DDX50: variants seen among roughly 807,000 people sequenced by gnomAD.
DDX50 encodes the protein DExD-box helicase 50.
DDX50 carries 56 observed loss-of-function variants against 94.8 expected under a neutral mutation model. The ratio of observed to expected loss-of-function variants is 0.59; its 90% CI spans 0.48 to 0.74. The LOEUF is 0.74. Ranked by LOEUF, DDX50 falls within the 30% of genes least tolerant of loss-of-function variation. The pLI, the probability that DDX50 is intolerant of heterozygous loss-of-function variation, is 0.00. For missense variants in DDX50, 713 were observed against 881.2 expected (o/e 0.81, Z 2.42); for synonymous variants, 264 against 295.4 (o/e 0.89, Z 1.09).
In DDX50 at chr10:68,943,255, C is replaced by G; in HGVS notation, c.1933C>G (p.Gln645Glu). ...TCCTACAACTGAGTCAGAAAGGTTA[C>G]AGGTATTTTTAAAATTTTATCTTTT... is the stretch of plus-strand genomic sequence containing the variant. ...DVPTTESERL[Q>E]AEWHDSDWIL... Residue 645 changes from glutamine to glutamate, a missense_variant and splice_region_variant, in exon 14 of 15, where the codon CAG becomes GAG. Physicochemically the swap from Gln to Glu is conservative, Grantham distance 29. Around this residue, in one of 2 missense-constraint regions of DDX50, gnomAD observed 428 missense variants for 602.3 expected, o/e 0.71. Transcript: ENST00000373585. 6.2e-7 allele frequency: 1 copy of G among 1,604,798 alleles called. No individual in the cohort carries two copies. The highest frequency in any genetic ancestry group is 1.1e-5 in the South Asian group (1 of 88,248).
chr10:68,925,094 GGTTTTTTT>G (rs1177707579), intron 8 of DDX50, among the ~76,000 whole-genome samples: 3,312 of 89,080 alleles, frequency 0.037, 183 homozygotes, highest in African/African-American at 0.12. Context: ...CCCTGCTCAT[GGTTTTTTT>G]TTTTTTTTTT....
intron 12 of DDX50, 99 bp downstream of exon 12, chr10:68,937,194 ACT>A: frequency 7.6e-7 from 1 of 1,312,516 alleles, no homozygotes; most frequent in East Asian, 2.6e-5. Context: ...GCAGAAAAAA[ACT>A]GTTTTGCTCT....
chr10:68,937,093 A>G lies in DDX50; in HGVS notation c.1753A>G (p.Lys585Glu). The change falls in exon 12 of 15, where the codon AAG becomes GAG. Residue 585 changes from lysine (K) to glutamate (E), a missense_variant and splice_region_variant. By Grantham distance (56) the Lys-to-Glu change is moderately conservative. Around this residue, in one of 2 missense-constraint regions of DDX50, gnomAD observed 428 missense variants for 602.3 expected, o/e 0.71. Coordinates refer to ENST00000373585, the MANE Select transcript of DDX50 (RefSeq NM_024045.2). Reference sequence around the variant, plus strand: ...ACCACGATCTTTGATCACCTCTGATAAGGTAGAAATCTGTGAGAAAATTGT... The same window carrying G: ...ACCACGATCTTTGATCACCTCTGATGAGGTAGAAATCTGTGAGAAAATTGT... The part of the protein sequence containing the change: ...FEPRSLITSD[K>E]GFVTMTLESL... 1.2e-6 allele frequency: 2 copies of G among 1,602,250 alleles called. No homozygotes were observed. The highest frequency in any genetic ancestry group is 1.7e-6 in the Non-Finnish European group (2 of 1,172,616).
intron 12 of DDX50, among the ~76,000 whole-genome samples, chr10:68,939,670 C>T (rs1564617964): frequency 6.6e-6 from 1 of 152,146 alleles, no homozygotes; most frequent in African/African-American, 2.4e-5. Flanking sequence ...GTTGCTTCCT[C>T]CTTTACTTCA....
intron 8 of DDX50, among the ~76,000 whole-genome samples, chr10:68,922,355 TTG>T (rs1365190994): frequency 6.6e-6 from 1 of 152,118 alleles, no homozygotes. Context: ...AAAAAATCTG[TTG>T]TGTTTATTCA....
At chr10:68,938,785 T>A (rs1383012066) in intron 12 of DDX50, among the ~76,000 whole-genome samples, 1 of 152,234 alleles carries the variant, frequency 6.6e-6, no homozygotes, top group African/African-American at 2.4e-5. Context: ...GTATGTATGT[T>A]TTTAAAAATT....
chr10:68,934,201 T>C lies in DDX50; in HGVS notation c.1242T>C (p.Asn414=), dbSNP rs1172035295. 4 of 1,609,692 alleles carry C rather than the reference T, an allele frequency of 2.5e-6. No homozygotes were observed. The highest frequency in any genetic ancestry group is 3.4e-6 in the Non-Finnish European group (4 of 1,178,912). The change falls in exon 9 of 15, where the codon AAT becomes AAC. Residue 414 remains asparagine, a splice_region_variant and synonymous_variant. Transcript: ENST00000373585. The surrounding 1 kb of genome is among the most constrained non-coding windows in gnomAD (Gnocchi z 4.0). Reference sequence around the variant, plus strand: ...TTTTCTCCCCCTTTCTCAAATAGAATGCCCAGTGTTTACATGGGGACATTG... The same window carrying C: ...TTTTCTCCCCCTTTCTCAAATAGAACGCCCAGTGTTTACATGGGGACATTG... The part of the protein sequence containing the change: ...EMAMNPHIKQ[N]AQCLHGDIAQ...
rs376765529 is a variant in DDX50 at position 68,911,236 on chromosome 10, G to A, written c.629G>A (p.Arg210His). The change falls in exon 4 of 15, where the codon CGC (arginine) becomes CAC (histidine). Residue 210 changes from arginine to histidine, a missense_variant. Around this residue, in one of 2 missense-constraint regions of DDX50, gnomAD observed 285 missense variants for 278.9 expected, o/e 1.02. Transcript: ENST00000373585. ...QRNQETIKKS[R>H]SPKVLVLAPT... ...AATCAAGAAACAATTAAAAAAAGCC[G>A]CTCACCAAAGGTAATCGTTATAGGG... 7.5e-6 allele frequency: 12 copies of A among 1,597,072 alleles called. No homozygotes were observed. The highest frequency in any genetic ancestry group is 2.2e-5 in the East Asian group (1 of 44,720).
rs200564312 is a variant in DDX50 at position 68,941,148 on chromosome 10, A to C, written c.1844A>C (p.Asn615Thr). ...GAACTTAACAGAAAGCTGAGTAGTA[A>C]TGCAGTGTCTCAGATTACCAGAATG... The part of the protein sequence containing the change: ...WKELNRKLSS[N>T]AVSQITRMCL... Residue 615 changes from asparagine to threonine, a missense_variant, in exon 13 of 15, where the codon AAT becomes ACT. Around this residue, in one of 2 missense-constraint regions of DDX50, gnomAD observed 428 missense variants for 602.3 expected, o/e 0.71. Transcript: ENST00000373585. 39 of 1,613,548 alleles carry C rather than the reference A, an allele frequency of 2.4e-5. No individual in the cohort carries two copies. The highest frequency in any genetic ancestry group is 2.3e-4 in the African/African-American group (17 of 75,046).
intron 1 of DDX50, among the ~76,000 whole-genome samples, chr10:68,903,628 C>T (rs898387008): frequency 3.3e-5 from 5 of 152,114 alleles, no homozygotes; most frequent in African/African-American, 7.2e-5. Context: ...TGGTGAAACT[C>T]CGTCTTTACT....
At chr10:68,919,770 A>G (rs1376955871) in intron 7 of DDX50, 62 bp from the exon 8 acceptor site, 1 of 1,580,084 alleles carries the variant, frequency 6.3e-7, no homozygotes, top group Non-Finnish European at 8.6e-7. Flanking sequence ...AAAAATACAC[A>G]AGAGAAATAT....
intron 2 of DDX50, 73 bp downstream of exon 2, chr10:68,907,080 T>A: frequency 7.3e-7 from 1 of 1,372,704 alleles, no homozygotes; most frequent in Non-Finnish European, 9.9e-7. Context: ...TTTAGGCTAA[T>A]TAGAATTGAT....
chr10:68,914,397 C>A (rs982608761), intron 7 of DDX50, among the ~76,000 whole-genome samples, 193 bp downstream of exon 7: 2 of 152,010 alleles, frequency 1.3e-5, no homozygotes, highest in Admixed American at 6.6e-5. Context: ...AAAAAAAGCA[C>A]GTGAATAGGC....
Position 68,914,102 on chromosome 10 carries a change from C to T in DDX50, c.987C>T (p.Cys329=), listed in dbSNP as rs374122094. 106 of 1,606,300 alleles carry T rather than the reference C, an allele frequency of 6.6e-5. No homozygotes were observed. The highest frequency in any genetic ancestry group is 8.8e-5 in the Non-Finnish European group (104 of 1,177,760). The change falls in exon 7 of 15, where the codon TGC becomes TGT. Residue 329 remains cysteine, a synonymous_variant. Transcript: ENST00000373585. Reference sequence around the variant, plus strand: ...AGACTTTACTTTTTTCTGCAACTTGCCCACAGTGGGTATACAAAGTTGCAA... The same window carrying T: ...AGACTTTACTTTTTTCTGCAACTTGTCCACAGTGGGTATACAAAGTTGCAA... ...NPQTLLFSAT[C]PQWVYKVAKK...
At chr10:68,928,040 A>G (rs1399602097) in intron 8 of DDX50, among the ~76,000 whole-genome samples, 1 of 152,172 alleles carries the variant, frequency 6.6e-6, no homozygotes, top group East Asian at 1.9e-4. Flanking sequence ...AATGAATAAT[A>G]AAAGGATGTT....
intron 8 of DDX50, among the ~76,000 whole-genome samples, chr10:68,931,431 A>AC (rs369350949): frequency 0.74 from 88,181 of 118,508 alleles, 34,488 homozygotes; most frequent in East Asian, 0.95. Flanking sequence ...ATATATACAC[A>AC]AACACACACA....
intron 8 of DDX50, among the ~76,000 whole-genome samples, chr10:68,930,062 T>C (rs10998490): frequency 0.082 from 11,100 of 135,080 alleles, 569 homozygotes; most frequent in African/African-American, 0.2. Context: ...TTCCTTCCTT[T>C]CTTTTCCTTC....
At chr10:68,929,714 G>GC (rs1842198957) in intron 8 of DDX50, among the ~76,000 whole-genome samples, 1 of 148,726 alleles carries the variant, frequency 6.7e-6, no homozygotes, top group Non-Finnish European at 1.5e-5. Flanking sequence ...ATGAGCCACT[G>GC]CGCCTGGCCT....
chr10:68,929,413 TTTCTTTCC>T (rs1376167493), intron 8 of DDX50, among the ~76,000 whole-genome samples: 7 of 151,026 alleles, frequency 4.6e-5, no homozygotes, highest in Non-Finnish European at 1.0e-4. Context: ...TCTTCCTTCC[TTTCTTTCC>T]TTCTTTTCTT....
Sources: gnomAD v4.1 joint callset for allele counts (sites outside exome capture counted in the v4.1 genomes callset) on GRCh38, gnomAD v4.1.1 for gene constraint, gnomAD v4.1.1 regional missense constraint, Gnocchi (gnomAD v3.1) non-coding constraint, MANE v1.5 for transcripts, NCBI Gene and HGNC (gene_info 2026-07-23, HGNC 2026-07-21) for gene names.